Variants in LRRC3B observed in about 807,000 individuals in gnomAD.
LRRC3B encodes the protein leucine rich repeat containing 3B.
In LRRC3B, 2 loss-of-function variants were observed where a neutral mutation model predicts 12.8. That is an observed-to-expected ratio of 0.16 (90% confidence interval 0.06 to 0.49). The LOEUF (loss-of-function observed/expected upper bound fraction) is 0.49, where lower values mean the gene tolerates loss of function less well. LRRC3B is among the 20% of genes least tolerant of loss of function. The probability of loss-of-function intolerance (pLI) is 0.96; values close to 1 mark genes in which losing one functional copy is unlikely to be tolerated. For missense variants in LRRC3B, 189 were observed against 319.4 expected (o/e 0.59, Z 3.11); for synonymous variants, 132 against 122.0 (o/e 1.08, Z -0.54).
chr3:26,656,588 A>G (rs1336505630), intron 1 of LRRC3B, among the ~76,000 whole-genome samples: 1 of 152,220 alleles, frequency 6.6e-6, no homozygotes, highest in Non-Finnish European at 1.5e-5. Context: ...ACATGGCTAC[A>G]CCTAATTGCA....
intron 1 of LRRC3B, among the ~76,000 whole-genome samples, chr3:26,667,854 C>T (rs971191156): frequency 3.0e-4 from 46 of 152,010 alleles, no homozygotes; most frequent in African/African-American, 1.1e-3. Context: ...AATACCAACC[C>T]TGAACATATA....
At chr3:26,696,428 G>A (rs1347101860) in intron 1 of LRRC3B, among the ~76,000 whole-genome samples, 1 of 152,166 alleles carries the variant, frequency 6.6e-6, no homozygotes, top group Non-Finnish European at 1.5e-5. Context: ...ATCTGTGCAT[G>A]GAGGTTTGTT....
chr3:26,676,707 A>G (rs962538575), intron 1 of LRRC3B, among the ~76,000 whole-genome samples: 8 of 152,214 alleles, frequency 5.3e-5, no homozygotes, highest in Non-Finnish European at 1.0e-4. Context: ...TAGAACTAGA[A>G]ATACCATTTG....
chr3:26,651,878 T>A (rs1699272083), intron 1 of LRRC3B, among the ~76,000 whole-genome samples: 1 of 152,220 alleles, frequency 6.6e-6, no homozygotes. Flanking sequence ...TTTACTAGCG[T>A]TAGACCCTTT....
intron 1 of LRRC3B, among the ~76,000 whole-genome samples, chr3:26,697,585 T>C (rs987659763): frequency 3.3e-5 from 5 of 152,180 alleles, no homozygotes; most frequent in Non-Finnish European, 7.4e-5. Context: ...TTTTAGACCA[T>C]TTTTGGCTTA....
intron 1 of LRRC3B, among the ~76,000 whole-genome samples, chr3:26,637,675 A>G (rs1698933110): frequency 6.6e-6 from 1 of 152,214 alleles, no homozygotes; most frequent in African/African-American, 2.4e-5. Flanking sequence ...TTCCTACTAT[A>G]GATCCCTGGG....
chr3:26,709,603 G>A (rs1700697133), exon 2 of LRRC3B: 23 of 1,479,034 alleles, frequency 1.6e-5, no homozygotes, highest in Non-Finnish European at 2.0e-5. Flanking sequence ...AGTGTGGACA[G>A]GGCTGGAACC....
intron 1 of LRRC3B, among the ~76,000 whole-genome samples, chr3:26,674,034 G>A (rs934638160): frequency 1.3e-5 from 2 of 152,160 alleles, no homozygotes; most frequent in African/African-American, 4.8e-5. Flanking sequence ...TTTGAACTAA[G>A]TCAACTTTGT....
intron 1 of LRRC3B, among the ~76,000 whole-genome samples, chr3:26,704,623 C>T (rs1233700715): frequency 6.6e-6 from 1 of 151,884 alleles, no homozygotes. Context: ...TGAACTCAAA[C>T]TTCTGGGCTC....
Position 26,679,163 on chromosome 3 carries a change from G to A in LRRC3B, c.-160-30350G>A, listed in dbSNP as rs1382457837. On this transcript the variant is annotated intron_variant, in intron 1 of 1. Transcript: ENST00000396641. ...AACAGAGTTGTACAAAATCCTCTAG[G>A]TTGGATGATCTGTCAACTGGGTGCT... Among the ~76,000 whole-genome samples the A allele has an allele frequency of 2.0e-5, 3 of 152,240 alleles. No individual in the cohort carries two copies. The East Asian group carries it at 5.8e-4, about 29-fold the overall frequency.
intron 1 of LRRC3B, among the ~76,000 whole-genome samples, chr3:26,669,109 C>G (rs778072961): frequency 6.6e-6 from 1 of 152,178 alleles, no homozygotes; most frequent in Non-Finnish European, 1.5e-5. Flanking sequence ...AAAAGTCCTA[C>G]TGAATTTAGA....
chr3:26,653,663 C>G (rs1324296625), intron 1 of LRRC3B, among the ~76,000 whole-genome samples: 2 of 152,040 alleles, frequency 1.3e-5, no homozygotes, highest in Admixed American at 6.6e-5. Flanking sequence ...AACTCTTGAT[C>G]ATGCTGGATG....
At chr3:26,661,250 A>G (rs555629782) in intron 1 of LRRC3B, among the ~76,000 whole-genome samples, 1 of 152,318 alleles carries the variant, frequency 6.6e-6, no homozygotes, top group African/African-American at 2.4e-5. Flanking sequence ...TTCCTCTCTT[A>G]AGACTTGCAC....
intron 1 of LRRC3B, among the ~76,000 whole-genome samples, chr3:26,708,768 C>CTTAA (rs1432494015): frequency 6.6e-6 from 1 of 152,064 alleles, no homozygotes; most frequent in Non-Finnish European, 1.5e-5. Flanking sequence ...GACAGTATTT[C>CTTAA]TTAATTCTCT....
At chr3:26,666,963 A>G (rs1379681123) in intron 1 of LRRC3B, among the ~76,000 whole-genome samples, 1 of 152,170 alleles carries the variant, frequency 6.6e-6, no homozygotes, top group Non-Finnish European at 1.5e-5. Flanking sequence ...TTAACTAAAA[A>G]GAGCGGTATT....
intron 1 of LRRC3B, among the ~76,000 whole-genome samples, chr3:26,703,485 G>A (rs1700509031): frequency 6.6e-6 from 1 of 152,090 alleles, no homozygotes; most frequent in Non-Finnish European, 1.5e-5. Flanking sequence ...GAAGACTTCA[G>A]GAGAGTTCTG....
intron 1 of LRRC3B, among the ~76,000 whole-genome samples, chr3:26,633,668 A>G (rs1698807150): frequency 6.6e-6 from 1 of 152,164 alleles, no homozygotes; most frequent in African/African-American, 2.4e-5. Context: ...CAAAATTGAT[A>G]AGACAGATAG....
intron 1 of LRRC3B, among the ~76,000 whole-genome samples, chr3:26,646,598 T>TTA (rs1699150372): frequency 2.0e-5 from 2 of 99,644 alleles, no homozygotes; most frequent in East Asian, 3.8e-4. Flanking sequence ...GGATAGGAGG[T>TTA]AAAAAAAAAA....
intron 1 of LRRC3B, among the ~76,000 whole-genome samples, chr3:26,666,056 T>C (rs964239603): frequency 1.3e-5 from 2 of 152,186 alleles, no homozygotes; most frequent in African/African-American, 4.8e-5. Flanking sequence ...ATGTGTTCTG[T>C]GTAAAACCAA....
Sources: gnomAD v4.1 joint callset for allele counts (sites outside exome capture counted in the v4.1 genomes callset) on GRCh38, gnomAD v4.1.1 for gene constraint, MANE v1.5 for transcripts, NCBI Gene and HGNC (gene_info 2026-07-23, HGNC 2026-07-21) for gene names.